The following INPP4B variants were observed in gnomAD, a reference collection of about 807,000 sequenced individuals.
INPP4B encodes the protein inositol polyphosphate-4-phosphatase type II B.
A neutral mutation model predicts 122.5 loss-of-function variants in INPP4B; 55 were observed. That is an observed-to-expected ratio of 0.45 (90% CI 0.36 to 0.56). INPP4B has a LOEUF of 0.56. Among genes scored for constraint, INPP4B ranks in the 20% least tolerant of loss-of-function variants. The pLI, the probability that INPP4B is intolerant of heterozygous loss-of-function variation, is 0.00. For synonymous variants in INPP4B, 403 were observed against 388.7 expected (o/e 1.04, Z -0.43); for missense variants, 1,000 against 1,097.7 (o/e 0.91, Z 1.26).
At chr4:142,788,251 T>C (rs1197125495) in intron 1 of INPP4B, among the ~76,000 whole-genome samples, 1 of 152,044 alleles carries the variant, frequency 6.6e-6, no homozygotes, top group African/African-American at 2.4e-5. Context: ...AATTCTCAAA[T>C]AAAATTTTAG....
intron 2 of INPP4B, among the ~76,000 whole-genome samples, chr4:142,557,173 C>T (rs183167243): frequency 9.2e-5 from 14 of 152,076 alleles, no homozygotes; most frequent in Admixed American, 3.9e-4. Context: ...GAAGGAAGGC[C>T]GGCAGTTCTC....
intron 1 of INPP4B, among the ~76,000 whole-genome samples, chr4:142,813,501 C>T (rs557681164): frequency 5.9e-5 from 9 of 152,154 alleles, no homozygotes; most frequent in South Asian, 2.1e-4. Context: ...TCTTGTCTTT[C>T]GTTTGTCCTT....
intron 2 of INPP4B, among the ~76,000 whole-genome samples, chr4:142,723,103 A>G (rs1190532571): frequency 4.6e-5 from 7 of 152,148 alleles, no homozygotes; most frequent in Non-Finnish European, 1.5e-5. Context: ...CTTGAACATA[A>G]GTAACCCTGT....
In INPP4B at chr4:142,112,415, C is replaced by G. The variant is rs79539650; in HGVS notation, c.2276+127G>C. ...ACCTTCTATCTCAAATAATTTGATA[C>G]TGATAAAAAGAAAAATGTTACTCAT... On this transcript the variant is annotated intron_variant, in intron 22 of 25. Coordinates refer to ENST00000262992, the MANE Select transcript of INPP4B (RefSeq NM_001101669.3). The G allele has an allele frequency of 4.0e-6, 4 of 995,192 alleles. No homozygotes were observed. In the African/African-American group the frequency reaches 5.0e-5, roughly 13 times the overall value. The allele number at this position is 995,192 out of a possible 1,614,324, so 61.6% of individuals were successfully genotyped here.
At chr4:142,438,299 C>T (rs1027896740) in intron 3 of INPP4B, among the ~76,000 whole-genome samples, 1 of 152,144 alleles carries the variant, frequency 6.6e-6, no homozygotes, top group African/African-American at 2.4e-5. Context: ...TGACTTCTAA[C>T]TATACTACAA....
intron 2 of INPP4B, among the ~76,000 whole-genome samples, chr4:142,467,230 G>A (rs1817953185): frequency 6.6e-6 from 1 of 152,216 alleles, no homozygotes; most frequent in Admixed American, 6.5e-5. Context: ...TGCAGCTTAA[G>A]CGTGAAAAAG....
intron 1 of INPP4B, among the ~76,000 whole-genome samples, chr4:142,826,011 T>C (rs1051703646): frequency 6.6e-6 from 1 of 152,186 alleles, no homozygotes; most frequent in African/African-American, 2.4e-5. Flanking sequence ...TTATATGCCC[T>C]GTTCTAAACA....
intron 25 of INPP4B, among the ~76,000 whole-genome samples, chr4:142,060,167 A>G (rs950508688): frequency 1.3e-5 from 2 of 152,038 alleles, no homozygotes; most frequent in Non-Finnish European, 1.5e-5. Flanking sequence ...AAATTTATTT[A>G]CTTATTTCTA....
intron 16 of INPP4B, among the ~76,000 whole-genome samples, chr4:142,169,066 C>G (rs1042161349): frequency 4.0e-5 from 6 of 151,604 alleles, no homozygotes; most frequent in Non-Finnish European, 7.4e-5. Context: ...CCATCATAAA[C>G]AGCAGAAGTT....
intron 15 of INPP4B, among the ~76,000 whole-genome samples, chr4:142,188,218 T>G (rs1229758614): frequency 6.6e-6 from 1 of 151,960 alleles, no homozygotes; most frequent in Non-Finnish European, 1.5e-5. Context: ...TCGGGCACAT[T>G]GGCTCATGCC....
At chr4:142,069,009 C>T (rs1765350282) in intron 25 of INPP4B, among the ~76,000 whole-genome samples, 2 of 152,148 alleles carry the variant, frequency 1.3e-5, no homozygotes, top group African/African-American at 2.4e-5. Flanking sequence ...AACTCTCCAC[C>T]CCAAATCTAC....
intron 5 of INPP4B, among the ~76,000 whole-genome samples, chr4:142,424,670 G>T (rs1420260689): frequency 6.6e-6 from 1 of 151,952 alleles, no homozygotes; most frequent in Non-Finnish European, 1.5e-5. Flanking sequence ...ATGAATGTAT[G>T]TTTCACTCTA....
chr4:142,059,926 G>C (rs1230258618), intron 25 of INPP4B, among the ~76,000 whole-genome samples: 1 of 152,128 alleles, frequency 6.6e-6, no homozygotes, highest in Admixed American at 6.6e-5. Context: ...ACAGCATCGT[G>C]CTACTTAGTA....
At chr4:142,588,582 TAA>T (rs139754678) in intron 2 of INPP4B, among the ~76,000 whole-genome samples, 2,142 of 149,898 alleles carry the variant, frequency 0.014, 41 homozygotes, top group African/African-American at 0.041. Flanking sequence ...TTATAATTTT[TAA>T]GTTATATAAT....
At chr4:142,195,935 T>C (rs1040391964) in intron 14 of INPP4B, among the ~76,000 whole-genome samples, 25 of 152,198 alleles carry the variant, frequency 1.6e-4, no homozygotes, top group Non-Finnish European at 2.9e-4. Context: ...AATTCATCCA[T>C]AATTTTAGCA....
chr4:142,331,808 T>C (rs1406446585), intron 7 of INPP4B, among the ~76,000 whole-genome samples: 2 of 151,892 alleles, frequency 1.3e-5, no homozygotes, highest in African/African-American at 2.4e-5. Flanking sequence ...TTCAAAATTT[T>C]CTCTATCTTT....
chr4:142,578,120 G>T (rs537967892), intron 2 of INPP4B, among the ~76,000 whole-genome samples: 3 of 151,990 alleles, frequency 2.0e-5, no homozygotes, highest in African/African-American at 7.2e-5. Flanking sequence ...AAGTTTGTCT[G>T]CCATATACAT....
At chr4:142,841,512 T>G (rs1311319285) in intron 1 of INPP4B, among the ~76,000 whole-genome samples, 6 of 152,066 alleles carry the variant, frequency 3.9e-5, no homozygotes, top group Non-Finnish European at 7.4e-5. Flanking sequence ...TCTGATCTAC[T>G]TAATGCACTA....
intron 7 of INPP4B, among the ~76,000 whole-genome samples, chr4:142,390,272 T>TA (rs1278729508): frequency 6.6e-6 from 1 of 152,128 alleles, no homozygotes; most frequent in African/African-American, 2.4e-5. Context: ...TAGAAGATAA[T>TA]AAAAATGTTT....
Sources: allele counts gnomAD v4.1 joint callset (sites outside exome capture counted in the v4.1 genomes callset), GRCh38; gene constraint gnomAD v4.1.1; transcripts MANE v1.5; gene names NCBI Gene and HGNC (gene_info 2026-07-23, HGNC 2026-07-21).